GALNT18: variants seen among roughly 807,000 people sequenced by gnomAD.
GALNT18 encodes the protein GalNAc-transferase 18.
GALNT18 carries 44 observed loss-of-function variants against 69.5 expected under a neutral mutation model. The ratio of observed to expected loss-of-function variants is 0.63; its 90% CI spans 0.50 to 0.81. GALNT18 has a LOEUF of 0.81. Among genes scored for constraint, GALNT18 ranks in the 40% least tolerant of loss-of-function variants. GALNT18 has a pLI of 0.00. For missense variants in GALNT18, 715 were observed against 810.0 expected, an observed-to-expected ratio of 0.88 and a Z score of 1.42; for synonymous variants, 364 against 318.2, an observed-to-expected ratio of 1.14 and a Z score of -1.53.
At chr11:11,295,662 G>T (rs1199348896) in intron 9 of GALNT18, among the ~76,000 whole-genome samples, 1 of 152,058 alleles carries the variant, frequency 6.6e-6, no homozygotes, top group Admixed American at 6.5e-5. Flanking sequence ...GAGTGTGTCT[G>T]GAGGGAGGAG....
chr11:11,514,985 T>C (rs1346010757), intron 1 of GALNT18, among the ~76,000 whole-genome samples: 1 of 152,204 alleles, frequency 6.6e-6, no homozygotes, highest in African/African-American at 2.4e-5. Flanking sequence ...CAGCCATTAT[T>C]TATCAAGAGC....
chr11:11,463,884 T>A lies in GALNT18; in HGVS notation c.236-14948A>T, dbSNP rs1409819825. On this transcript the variant is annotated intron_variant, in intron 1 of 10. Coordinates refer to ENST00000227756, the MANE Select transcript of GALNT18 (RefSeq NM_198516.3). This position sits in a 1 kb window ranked among gnomAD's most constrained non-coding sequence, Gnocchi z 4.2. ...TGAATGCAGTATGTGTCCGGCGGAATGTGTGCAAAAACCGTCATGCTCATG... is the reference window on the plus strand; with the variant it reads ...TGAATGCAGTATGTGTCCGGCGGAAAGTGTGCAAAAACCGTCATGCTCATG... Among the ~76,000 whole-genome samples the A allele has an allele frequency of 6.6e-6, 1 of 152,176 alleles. No individual in the cohort carries two copies. Among genetic ancestry groups the A allele is most frequent in the Non-Finnish European group, 1.5e-5 (1 of 68,030 alleles).
At position 11,339,483 on chromosome 11, in the gene GALNT18, A is replaced by G. The variant is rs904225159; in HGVS notation, c.1278+1336T>C. ...AGAACCTGGGGACCTGCTATGCCTC[A>G]CTGGTGAGCTCCTGGGGAGTTTCCA... On this transcript the variant is annotated intron_variant, in intron 7 of 10. Transcript: ENST00000227756. The surrounding 1 kb of genome is among the most constrained non-coding windows in gnomAD (Gnocchi z 5.2). 1.1e-4 allele frequency among the ~76,000 whole-genome samples: 16 copies of G among 152,104 alleles called. No individual in the cohort carries two copies. Among genetic ancestry groups the G allele is most frequent in the Admixed American group, 7.9e-4 (12 of 15,270 alleles).
rs1447264442 is a variant in GALNT18, at chr11:11,614,363, G to A, written c.235+6996C>T. 8.5e-5 allele frequency among the ~76,000 whole-genome samples: 2 copies of A among 23,490 alleles called. No individual in the cohort carries two copies. The highest frequency in any genetic ancestry group is 1.4e-4 in the Non-Finnish European group (2 of 14,102). The allele number at this position is 23,490 out of a possible 152,430, so 15.4% of individuals were successfully genotyped here. ...AAGAGAGTGAGGAGAAGAAGAAGAA[G>A]AGGAGGAGGAGGAGGAGGAGGAGGA... On this transcript the variant is annotated intron_variant, in intron 1 of 10. Coordinates refer to ENST00000227756, the MANE Select transcript of GALNT18 (RefSeq NM_198516.3). This position sits in a 1 kb window ranked among gnomAD's most constrained non-coding sequence, Gnocchi z 5.6.
chr11:11,484,269 T>G (rs1338556862), intron 1 of GALNT18, among the ~76,000 whole-genome samples: 1 of 151,886 alleles, frequency 6.6e-6, no homozygotes, highest in East Asian at 1.9e-4. Flanking sequence ...AGACCTAAGC[T>G]AGTTCTGAGC....
intron 6 of GALNT18, among the ~76,000 whole-genome samples, chr11:11,354,674 A>C (rs1473936621): frequency 2.6e-5 from 4 of 152,170 alleles, no homozygotes; most frequent in African/African-American, 9.7e-5. Context: ...GATAAGATTC[A>C]CTATTGCTAT....
chr11:11,547,522 C>T (rs1858086564), intron 1 of GALNT18, among the ~76,000 whole-genome samples: 2 of 152,212 alleles, frequency 1.3e-5, no homozygotes, highest in African/African-American at 4.8e-5. Flanking sequence ...TCCCTCCCCA[C>T]AAACAAAGGA....
intron 9 of GALNT18, among the ~76,000 whole-genome samples, chr11:11,326,407 T>C (rs148924172): frequency 2.0e-4 from 31 of 152,340 alleles, no homozygotes; most frequent in African/African-American, 7.0e-4. Flanking sequence ...ATGTTATCAA[T>C]TCAGAACAGG....
At chr11:11,366,867 A>G (rs1180029725) in intron 6 of GALNT18, among the ~76,000 whole-genome samples, 1 of 152,212 alleles carries the variant, frequency 6.6e-6, no homozygotes, top group African/African-American at 2.4e-5. Flanking sequence ...TAGGTTCTCC[A>G]TGATTGAGGA....
chr11:11,328,996 C>T (rs1398324071), intron 8 of GALNT18, among the ~76,000 whole-genome samples: 2 of 152,090 alleles, frequency 1.3e-5, no homozygotes, highest in African/African-American at 2.4e-5. Flanking sequence ...CCCCACCCCC[C>T]ACCATCCCTT....
At chr11:11,451,544 G>GGA (rs1855800419) in intron 1 of GALNT18, among the ~76,000 whole-genome samples, 1 of 152,128 alleles carries the variant, frequency 6.6e-6, no homozygotes, top group Non-Finnish European at 1.5e-5. Context: ...TGAGGTGGAG[G>GGA]GCCTACAGCA....
rs1859985465 is a variant in GALNT18 at position 11,614,127 on chromosome 11, A to C, written c.235+7232T>G. ...ACCCAAATCAAGACAATAGCTTTGTATTAGTCCATTTTGCATTGCTATAAA... is the reference window on the plus strand; with the variant it reads ...ACCCAAATCAAGACAATAGCTTTGTCTTAGTCCATTTTGCATTGCTATAAA... On this transcript the variant is annotated intron_variant, in intron 1 of 10. Transcript: ENST00000227756. This position sits in a 1 kb window ranked among gnomAD's most constrained non-coding sequence, Gnocchi z 5.6. 6.6e-6 allele frequency among the ~76,000 whole-genome samples: 1 copy of C among 152,188 alleles called. No individual in the cohort carries two copies. Among genetic ancestry groups the C allele is most frequent in the Admixed American group, 6.5e-5 (1 of 15,286 alleles).
chr11:11,411,170 TG>T (rs1283160376), intron 3 of GALNT18, among the ~76,000 whole-genome samples: 1 of 152,126 alleles, frequency 6.6e-6, no homozygotes, highest in Non-Finnish European at 1.5e-5. Flanking sequence ...ATAAATTAGC[TG>T]GGTGTGGTGG....
intron 3 of GALNT18, among the ~76,000 whole-genome samples, chr11:11,385,574 T>C (rs557044053): frequency 2.8e-4 from 42 of 152,212 alleles, no homozygotes; most frequent in South Asian, 1.2e-3. Context: ...GGATTACAGG[T>C]GTGAGCCACC....
chr11:11,367,675 A>T (rs975324637), intron 6 of GALNT18, among the ~76,000 whole-genome samples: 1 of 152,242 alleles, frequency 6.6e-6, no homozygotes, highest in Non-Finnish European at 1.5e-5. Flanking sequence ...AGGTGAAGAC[A>T]GCCAAGATTC....
intron 1 of GALNT18, among the ~76,000 whole-genome samples, chr11:11,566,937 G>A (rs948040045): frequency 2.6e-5 from 4 of 152,138 alleles, no homozygotes; most frequent in Non-Finnish European, 2.9e-5. Flanking sequence ...TACCAGAGAA[G>A]GTCATTTGAA....
chr11:11,443,036 C>T (rs968622960), intron 2 of GALNT18, among the ~76,000 whole-genome samples: 3 of 152,204 alleles, frequency 2.0e-5, no homozygotes, highest in Non-Finnish European at 4.4e-5. Flanking sequence ...AGAGCCCCCA[C>T]TTCTATCCAC....
At position 11,288,924 on chromosome 11, in the gene GALNT18, A is replaced by G. The variant is rs1312433020; in HGVS notation, c.1677+4105T>C. On this transcript the variant is annotated intron_variant, in intron 10 of 10. Transcript: ENST00000227756. Reference sequence around the variant, plus strand: ...ATTAATTCAGCCTGAGTGTCTGTGGAGCTTAAATGTGGTCCTCAGGAGAAT... The same window carrying G: ...ATTAATTCAGCCTGAGTGTCTGTGGGGCTTAAATGTGGTCCTCAGGAGAAT... Among the ~76,000 whole-genome samples, 4 of 152,112 alleles carry G rather than the reference A, an allele frequency of 2.6e-5. No homozygotes were observed. The East Asian group carries it at 5.8e-4, about 22-fold the overall frequency.
chr11:11,557,976 C>T (rs1313657103), intron 1 of GALNT18, among the ~76,000 whole-genome samples: 1 of 152,170 alleles, frequency 6.6e-6, no homozygotes. Context: ...TTAGAAATGT[C>T]CCCAAAGTGG....
Sources: allele counts gnomAD v4.1 joint callset (sites outside exome capture counted in the v4.1 genomes callset), GRCh38; gene constraint gnomAD v4.1.1; non-coding constraint Gnocchi (gnomAD v3.1); transcripts MANE v1.5; gene names NCBI Gene and HGNC (gene_info 2026-07-23, HGNC 2026-07-21).